TUBA1A: variants seen among roughly 807,000 people sequenced by gnomAD.
TUBA1A encodes tubulin alpha 1a.
In TUBA1A, 7 loss-of-function variants were observed where a neutral mutation model predicts 34.6. The observed-to-expected ratio is 0.20, with a 90% CI of 0.11 to 0.38. The LOEUF is 0.38. TUBA1A is among the 10% of genes least tolerant of loss of function. The pLI is 1.00. For missense variants in TUBA1A, 19 were observed against 581.3 expected (o/e 0.03, Z 9.95); for synonymous variants, 193 against 210.2 (o/e 0.92, Z 0.71).
At chr12:49,187,965 T>G (rs1281616176) in intron 1 of TUBA1A, 1 of 984,306 alleles carries the variant, frequency 1.0e-6, no homozygotes, top group African/African-American at 1.8e-5. Flanking sequence ...CAGGGTACCC[T>G]GGGGCTCACA....
chr12:49,187,252 G>A (rs771742413), intron 1 of TUBA1A: 279 of 1,107,714 alleles, frequency 2.5e-4, no homozygotes, highest in Non-Finnish European at 3.0e-4. Flanking sequence ...ATTATAATCC[G>A]GACATCTGTA....
In TUBA1A at chr12:49,186,060, A is replaced by G; in HGVS notation, c.376-70T>C. 4 of 1,591,808 alleles carry G rather than the reference A, an allele frequency of 2.5e-6. No individual in the cohort carries two copies. The highest frequency in any genetic ancestry group is 3.4e-6 in the Non-Finnish European group (4 of 1,170,042). On this transcript the variant is annotated intron_variant, in intron 3 of 3. Transcript: ENST00000301071. This position sits in a 1 kb window ranked among gnomAD's most constrained non-coding sequence, Gnocchi z 6.6. Reference sequence around the variant, plus strand: ...TTTGTAGTACAATCATAGTAAATATATTTTCACTTTTCATACATCTTCCAG... The same window carrying G: ...TTTGTAGTACAATCATAGTAAATATGTTTTCACTTTTCATACATCTTCCAG...
At chr12:49,187,296 A>C in intron 1 of TUBA1A, 1 of 1,074,292 alleles carries the variant, frequency 9.3e-7, no homozygotes, top group African/African-American at 1.7e-5. Flanking sequence ...ACCCTTCTGC[A>C]GTCTGTCTGC....
intron 1 of TUBA1A, chr12:49,187,168 C>G (rs1942191674): frequency 8.4e-7 from 1 of 1,194,174 alleles, no homozygotes; most frequent in Non-Finnish European, 1.0e-6. Context: ...CCAATTATGA[C>G]TTAATTGGGA....
chr12:49,188,846 A>G lies in TUBA1A; in HGVS notation c.3+131T>C. 6.2e-7 allele frequency: 1 copy of G among 1,608,210 alleles called. No individual in the cohort carries two copies. The highest frequency in any genetic ancestry group is 8.5e-7 in the Non-Finnish European group (1 of 1,179,760). On this transcript the variant is annotated intron_variant, in intron 1 of 3. Transcript: ENST00000301071. This position sits in a 1 kb window ranked among gnomAD's most constrained non-coding sequence, Gnocchi z 4.9. ...GGGCTTGAGGATTTGGGGCTAAGCT[A>G]AACCTCACAAAACATACCACCACCC... is the stretch of plus-strand genomic sequence containing the variant.
chr12:49,188,601 G>A lies in TUBA1A; in HGVS notation c.3+376C>T. 6.9e-7 allele frequency: 1 copy of A among 1,447,368 alleles called. No individual in the cohort carries two copies. The highest frequency in any genetic ancestry group is 9.1e-7 in the Non-Finnish European group (1 of 1,103,512). The allele number at this position is 1,447,368 out of a possible 1,614,324, so 89.7% of individuals were successfully genotyped here. On this transcript the variant is annotated intron_variant, in intron 1 of 3. Transcript: ENST00000301071. This position sits in a 1 kb window ranked among gnomAD's most constrained non-coding sequence, Gnocchi z 4.9. Reference sequence around the variant, plus strand: ...GGTCCCCAGAGAACAACGCGAGACAGAAAGTGGCCCCTCAGCATCAGCGAA... The same window carrying A: ...GGTCCCCAGAGAACAACGCGAGACAAAAAGTGGCCCCTCAGCATCAGCGAA...
chr12:49,187,415 A>C (rs538474134), intron 1 of TUBA1A: 1 of 990,110 alleles, frequency 1.0e-6, no homozygotes, highest in African/African-American at 1.7e-5. Flanking sequence ...ATTATTTAAC[A>C]GAGCAAGCTC....
chr12:49,188,679 C>T lies in TUBA1A; in HGVS notation c.3+298G>A. On this transcript the variant is annotated intron_variant, in intron 1 of 3. Transcript: ENST00000301071. This position sits in a 1 kb window ranked among gnomAD's most constrained non-coding sequence, Gnocchi z 4.9. ...CGGGACGCCCCAGACCCCTCGGTCG[C>T]GGCAGACGGGCTGCCCGCGGCCCCC... 1.2e-5 allele frequency: 17 copies of T among 1,437,544 alleles called. No individual in the cohort carries two copies. Among genetic ancestry groups the T allele is most frequent in the Non-Finnish European group, 1.5e-5 (16 of 1,102,878 alleles). The allele number at this position is 1,437,544 out of a possible 1,614,324, so 89.0% of individuals were successfully genotyped here.
Position 49,188,031 on chromosome 12 carries a change from C to A in TUBA1A, c.3+946G>T, listed in dbSNP as rs1565628234. The A allele has an allele frequency of 1.0e-6, 1 of 961,610 alleles. No homozygotes were observed. The allele number at this position is 961,610 out of a possible 1,614,324, so 59.6% of individuals were successfully genotyped here. ...GTCCAGACAGACAGACAGACACACA[C>A]ACACACACACACACACTTCAGTCGG... On this transcript the variant is annotated intron_variant, in intron 1 of 3. Coordinates refer to ENST00000301071, the MANE Select transcript of TUBA1A (RefSeq NM_006009.4). The surrounding 1 kb of genome is among the most constrained non-coding windows in gnomAD (Gnocchi z 4.9).
At chr12:49,187,486 C>G (rs1359504433) in intron 1 of TUBA1A, 2 of 986,362 alleles carry the variant, frequency 2.0e-6, no homozygotes, top group Non-Finnish European at 2.4e-6. Context: ...CCTCCTCTGA[C>G]CCCGCCCGGG....
chr12:49,188,061 G>A lies in TUBA1A; in HGVS notation c.3+916C>T, dbSNP rs1942204013. The A allele has an allele frequency of 4.3e-6, 4 of 933,170 alleles. No individual in the cohort carries two copies. The highest frequency in any genetic ancestry group is 5.6e-4 in the Middle Eastern group (1 of 1,772). 57.8% of individuals were successfully genotyped at this position (933,170 alleles called of 1,614,324 possible). A position where few individuals can be genotyped will look rare whatever the true frequency, so the allele number is the denominator to read the frequency against. ...ACACACACACACTTCAGTCGGTCAG[G>A]GCAGGGCGTCCCACAGACACACACA... is the stretch of plus-strand genomic sequence containing the variant. On this transcript the variant is annotated intron_variant, in intron 1 of 3. Transcript: ENST00000301071. The surrounding 1 kb of genome is among the most constrained non-coding windows in gnomAD (Gnocchi z 4.9).
chr12:49,189,029 G>C lies in TUBA1A; in HGVS notation c.-50C>G. ...CTGATGGCGGAGACGAAGAGGAGAG[G>C]TTGTTGCTTCTTACAGCGCGACTCT... On this transcript the variant is annotated 5_prime_UTR_variant, in exon 1 of 4. Transcript: ENST00000301071. 1 of 1,613,060 alleles carries C rather than the reference G, an allele frequency of 6.2e-7. No individual in the cohort carries two copies. The highest frequency in any genetic ancestry group is 8.5e-7 in the Non-Finnish European group (1 of 1,179,032).
chr12:49,185,705 G>A lies in TUBA1A; in HGVS notation c.661C>T (p.Arg221Cys). The change falls in exon 4 of 4, where the codon CGT becomes TGT. Residue 221 changes from arginine to cysteine, a missense_variant. By Grantham distance (180) the Arg-to-Cys change is radical. Coordinates refer to ENST00000301071, the MANE Select transcript of TUBA1A (RefSeq NM_006009.4). ...CTATTCAGGTTAGTATAGGTTGGACGCTCAATATCGAGGTTTCTACGACAG... is the reference window on the plus strand; with the variant it reads ...CTATTCAGGTTAGTATAGGTTGGACACTCAATATCGAGGTTTCTACGACAG... ...DICRRNLDIE[R>C]PTYTNLNRLI... The A allele has an allele frequency of 1.2e-6, 2 of 1,614,036 alleles. No individual in the cohort carries two copies. Among genetic ancestry groups the A allele is most frequent in the Non-Finnish European group, 1.7e-6 (2 of 1,179,962 alleles).
At position 49,185,595 on chromosome 12, in the gene TUBA1A, G is replaced by C; in HGVS notation, c.771C>G (p.Thr257=). ...GGATGCGGGGATAGGGCACCAGGTT[G>C]GTCTGGAATTCTGTCAGGTCAACAT... is the stretch of plus-strand genomic sequence containing the variant. ...ALNVDLTEFQ[T]NLVPYPRIHF... is the part of the protein sequence containing the mutation. Residue 257 remains threonine (T), a synonymous_variant, in exon 4 of 4, where the codon ACC becomes ACG. Coordinates refer to ENST00000301071, the MANE Select transcript of TUBA1A (RefSeq NM_006009.4). 6.2e-7 allele frequency: 1 copy of C among 1,614,080 alleles called. No individual in the cohort carries two copies. The highest frequency in any genetic ancestry group is 8.5e-7 in the Non-Finnish European group (1 of 1,180,002).
chr12:49,187,115 G>C (rs1362160966), intron 1 of TUBA1A: 6 of 1,302,760 alleles, frequency 4.6e-6, no homozygotes, highest in Non-Finnish European at 5.9e-6. Flanking sequence ...TATTTAAAAA[G>C]TATTCAGTAT....
In TUBA1A at chr12:49,186,490, G is replaced by T. The variant is rs2121247099; in HGVS notation, c.227-32C>A. 1 of 1,608,340 alleles carries T rather than the reference G, an allele frequency of 6.2e-7. No homozygotes were observed. Among genetic ancestry groups the T allele is most frequent in the Non-Finnish European group, 8.5e-7 (1 of 1,176,404 alleles). The stretch of plus-strand genomic sequence containing the variant: ...AACATGATGGGGGAGGAGCAGGGGG[G>T]AGGAGGAGGAGGGACGAGGAGCGGG... On this transcript the variant is annotated intron_variant, in intron 2 of 3. Coordinates refer to ENST00000301071, the MANE Select transcript of TUBA1A (RefSeq NM_006009.4). The surrounding 1 kb of genome is among the most constrained non-coding windows in gnomAD (Gnocchi z 6.6).
At chr12:49,187,493 C>G in intron 1 of TUBA1A, 4 of 986,088 alleles carry the variant, frequency 4.1e-6, no homozygotes, top group Non-Finnish European at 4.8e-6. Context: ...TGACCCCGCC[C>G]GGGACCATGT....
At position 49,186,502 on chromosome 12, in the gene TUBA1A, G is replaced by T; in HGVS notation, c.227-44C>A. ...GAGGAGCAGGGGGGAGGAGGAGGAGGGACGAGGAGCGGGGAGGGAGAGTGG... is the reference window on the plus strand; with the variant it reads ...GAGGAGCAGGGGGGAGGAGGAGGAGTGACGAGGAGCGGGGAGGGAGAGTGG... On this transcript the variant is annotated intron_variant, in intron 2 of 3. Coordinates refer to ENST00000301071, the MANE Select transcript of TUBA1A (RefSeq NM_006009.4). The surrounding 1 kb of genome is among the most constrained non-coding windows in gnomAD (Gnocchi z 6.6). 1 of 1,612,628 alleles carries T rather than the reference G, an allele frequency of 6.2e-7. No individual in the cohort carries two copies. The highest frequency in any genetic ancestry group is 1.3e-5 in the African/African-American group (1 of 74,896).
rs778602435 is a variant in TUBA1A, at chr12:49,186,542, G to C, written c.226+69C>G. 4.3e-6 allele frequency: 7 copies of C among 1,612,658 alleles called. No individual in the cohort carries two copies. In the South Asian group the frequency reaches 7.7e-5, roughly 18 times the overall value. On this transcript the variant is annotated intron_variant, in intron 2 of 3. Transcript: ENST00000301071. This position sits in a 1 kb window ranked among gnomAD's most constrained non-coding sequence, Gnocchi z 6.6. Reference sequence around the variant, plus strand: ...AGGGAGAGTGGGTGAGTGACCAGCGGAGCCCCCCAGGACAGACCTCCTGTC... The same window carrying C: ...AGGGAGAGTGGGTGAGTGACCAGCGCAGCCCCCCAGGACAGACCTCCTGTC...
Sources: allele counts gnomAD v4.1 joint callset, GRCh38; gene constraint gnomAD v4.1.1; non-coding constraint Gnocchi (gnomAD v3.1); transcripts MANE v1.5; gene names NCBI Gene and HGNC (gene_info 2026-07-23, HGNC 2026-07-21).